Variants in CACHD1 observed in about 807,000 individuals in gnomAD.
The protein encoded by CACHD1 is VWFA and cache domain-containing protein 1.
In CACHD1, 71 loss-of-function variants were observed where a neutral mutation model predicts 138.7. The observed-to-expected ratio is 0.51, with a 90% CI of 0.42 to 0.62. The LOEUF (loss-of-function observed/expected upper bound fraction) is 0.62. Among genes scored for constraint, CACHD1 ranks in the 20% least tolerant of loss-of-function variants. CACHD1 has a pLI of 0.00. For synonymous variants in CACHD1, 578 were observed against 591.5 expected, an observed-to-expected ratio of 0.98 and a Z score of 0.33; for missense variants, 1,389 against 1,625.3, an observed-to-expected ratio of 0.85 and a Z score of 2.50.
At chr1:64,577,368 A>G (rs186267484) in intron 2 of CACHD1, among the ~76,000 whole-genome samples, 1 of 152,344 alleles carries the variant, frequency 6.6e-6, no homozygotes, top group African/African-American at 2.4e-5. Context: ...AATTCTTATT[A>G]TAAAGTAATG....
intron 4 of CACHD1, among the ~76,000 whole-genome samples, chr1:64,604,066 G>GAA (rs1487898527): frequency 1.8e-4 from 27 of 152,226 alleles, no homozygotes; most frequent in African/African-American, 4.8e-4. Context: ...AAGCCGAAGA[G>GAA]AAAGGCAGAG....
chr1:64,538,420 A>T (rs1331396405), intron 1 of CACHD1, among the ~76,000 whole-genome samples: 1 of 152,220 alleles, frequency 6.6e-6, no homozygotes, highest in Non-Finnish European at 1.5e-5. Context: ...ACATCATATG[A>T]CAGAAAGACT....
chr1:64,605,699 C>T (rs1489336173), intron 4 of CACHD1, among the ~76,000 whole-genome samples: 1 of 152,176 alleles, frequency 6.6e-6, no homozygotes, highest in Non-Finnish European at 1.5e-5. Context: ...AGACCACCCA[C>T]ATCAGTGGGT....
chr1:64,553,819 T>C (rs574868619), intron 2 of CACHD1, among the ~76,000 whole-genome samples: 1 of 152,340 alleles, frequency 6.6e-6, no homozygotes, highest in Admixed American at 6.5e-5. Flanking sequence ...AAATTAATTT[T>C]GTGTTTGGCT....
rs956767731 is a variant in CACHD1, at chr1:64,635,444, C to T, written c.1006+1184C>T. 2.7e-4 allele frequency among the ~76,000 whole-genome samples: 38 copies of T among 141,092 alleles called. 1 individual carries two copies. The South Asian group carries it at 7.6e-3, about 28-fold the overall frequency. The allele number at this position is 141,092 out of a possible 152,430, so 92.6% of individuals were successfully genotyped here. The stretch of plus-strand genomic sequence containing the variant: ...TGTCACCCAGCCTGGAGTGTGATCG[C>T]GCAATCCCGGCTCACTGCAACCTCC... On this transcript the variant is annotated intron_variant, in intron 7 of 26. Transcript: ENST00000651257.
chr1:64,508,711 G>T (rs1646395938), intron 1 of CACHD1, among the ~76,000 whole-genome samples: 3 of 152,210 alleles, frequency 2.0e-5, no homozygotes, highest in African/African-American at 7.2e-5. Context: ...AGAGGGCTAA[G>T]TAAGATAGAG....
At chr1:64,571,092 T>A (rs1646924302) in intron 2 of CACHD1, among the ~76,000 whole-genome samples, 1 of 152,166 alleles carries the variant, frequency 6.6e-6, no homozygotes, top group Admixed American at 6.5e-5. Context: ...ACTGGCTTCA[T>A]TGTTCAAAGG....
At chr1:64,527,604 C>T (rs1290405496) in intron 1 of CACHD1, among the ~76,000 whole-genome samples, 1 of 152,148 alleles carries the variant, frequency 6.6e-6, no homozygotes, top group African/African-American at 2.4e-5. Flanking sequence ...ATTTTATATT[C>T]TTCCTTTTGT....
chr1:64,493,027 A>G (rs149836802), intron 1 of CACHD1, among the ~76,000 whole-genome samples: 11 of 152,342 alleles, frequency 7.2e-5, no homozygotes, highest in African/African-American at 2.4e-4. Context: ...TTGGAAGGAA[A>G]GACTTGGGGC....
At chr1:64,617,536 A>C (rs1647755526) in intron 4 of CACHD1, among the ~76,000 whole-genome samples, 1 of 152,190 alleles carries the variant, frequency 6.6e-6, no homozygotes. Context: ...CTCAGAACAC[A>C]ATCAGGGGTT....
rs1207530916 is a variant in CACHD1 at position 64,543,398 on chromosome 1, A to ATACAT, written c.199-7196_199-7195insTACAT. Among the ~76,000 whole-genome samples, 203 of 53,056 alleles carry ATACAT rather than the reference A, an allele frequency of 3.8e-3. 2 individuals are homozygous for ATACAT. Among genetic ancestry groups the ATACAT allele is most frequent in the African/African-American group, 0.016 (199 of 12,552 alleles). 34.8% of individuals were successfully genotyped at this position (53,056 alleles called of 152,430 possible). A position where few individuals can be genotyped will look rare whatever the true frequency, so the allele number is the denominator to read the frequency against. On this transcript the variant is annotated intron_variant, in intron 1 of 26. Coordinates refer to ENST00000651257, the MANE Select transcript of CACHD1 (RefSeq NM_020925.4). Reference sequence around the variant, plus strand: ...TAGCGAGATCCTATCTCTAAAAAAAAATACATATATATATATATATATATA... The same window carrying ATACAT: ...TAGCGAGATCCTATCTCTAAAAAAAATACATATACATATATATATATATATATATA...
intron 19 of CACHD1, 103 bp downstream of exon 19, chr1:64,673,567 C>T (rs372303282): frequency 1.4e-5 from 13 of 934,596 alleles, no homozygotes; most frequent in South Asian, 8.9e-5. Flanking sequence ...CCTGTTTCAT[C>T]GCCTTAGAAC....
intron 2 of CACHD1, among the ~76,000 whole-genome samples, chr1:64,576,606 A>AG (rs1646969820): frequency 1.3e-5 from 2 of 152,248 alleles, no homozygotes; most frequent in South Asian, 4.1e-4. Flanking sequence ...AGTGAGGTGG[A>AG]GGGAGGCAAG....
At chr1:64,597,524 G>GTTTTT (rs34162933) in intron 3 of CACHD1, among the ~76,000 whole-genome samples, 6 of 80,402 alleles carry the variant, frequency 7.5e-5, no homozygotes, top group African/African-American at 1.9e-4. Context: ...TTTTTTTGTT[G>GTTTTT]TTTTTTTTTT....
At chr1:64,522,120 G>GTTAA (rs1318179630) in intron 1 of CACHD1, among the ~76,000 whole-genome samples, 1 of 152,082 alleles carries the variant, frequency 6.6e-6, no homozygotes, top group Non-Finnish European at 1.5e-5. Context: ...TCCATTTTGA[G>GTTAA]TTAATTTTTA....
chr1:64,667,643 T>G (rs1649679072), intron 16 of CACHD1, among the ~76,000 whole-genome samples: 1 of 152,224 alleles, frequency 6.6e-6, no homozygotes, highest in Admixed American at 6.5e-5. Flanking sequence ...TCTAATGGGT[T>G]GAGAAAAAGT....
At chr1:64,657,854 G>C (rs988970476) in intron 12 of CACHD1, among the ~76,000 whole-genome samples, 3 of 152,088 alleles carry the variant, frequency 2.0e-5, no homozygotes, top group Non-Finnish European at 4.4e-5. Context: ...TCTTTAAATA[G>C]GTTCAGTCTT....
At chr1:64,545,949 C>T (rs1197658398) in intron 1 of CACHD1, among the ~76,000 whole-genome samples, 2 of 152,152 alleles carry the variant, frequency 1.3e-5, no homozygotes, top group Non-Finnish European at 2.9e-5. Flanking sequence ...TTTAAAATAA[C>T]ATTTTAAAAC....
Position 64,653,813 on chromosome 1 carries a change from A to T in CACHD1, c.1596A>T (p.Pro532=). The change falls in exon 11 of 27, where the codon CCA becomes CCT. Residue 532 remains proline, a synonymous_variant. Coordinates refer to ENST00000651257, the MANE Select transcript of CACHD1 (RefSeq NM_020925.4). ...GGCCATATTTATTGTCAGAGCCCCC[A>T]CTTCATACTGACATCATACATTATG... ...LTRPYLLSEP[P]LHTDIIHYEN... 2 of 1,612,534 alleles carry T rather than the reference A, an allele frequency of 1.2e-6. No homozygotes were observed. Among genetic ancestry groups the T allele is most frequent in the Non-Finnish European group, 1.7e-6 (2 of 1,178,676 alleles).
Sources: allele counts gnomAD v4.1 joint callset (sites outside exome capture counted in the v4.1 genomes callset), GRCh38; gene constraint gnomAD v4.1.1; transcripts MANE v1.5; gene names NCBI Gene and HGNC (gene_info 2026-07-23, HGNC 2026-07-21).